The following MRC2 variants were observed in gnomAD, a reference collection of about 807,000 sequenced individuals.
MRC2 encodes C-type mannose receptor 2.
In MRC2, 84 loss-of-function variants were observed where a neutral mutation model predicts 206.2. The ratio of observed to expected loss-of-function variants is 0.41; its 90% CI spans 0.34 to 0.49. The LOEUF (loss-of-function observed/expected upper bound fraction) is 0.49, where lower values mean the gene tolerates loss of function less well. Ranked by LOEUF, MRC2 falls within the 20% of genes least tolerant of loss-of-function variation. The probability of loss-of-function intolerance (pLI) is 0.31; values close to 1 mark genes in which losing one functional copy is unlikely to be tolerated. For synonymous variants in MRC2, 798 were observed against 800.0 expected (o/e 1.00, Z 0.04); for missense variants, 1,676 against 2,001.5 (o/e 0.84, Z 3.10).
intron 20 of MRC2, among the ~76,000 whole-genome samples, chr17:62,686,461 C>T (rs2089033947): frequency 6.7e-6 from 1 of 149,312 alleles, no homozygotes; most frequent in African/African-American, 2.4e-5. Flanking sequence ...TCAACAACAA[C>T]AACAACAACA....
intron 1 of MRC2, among the ~76,000 whole-genome samples, chr17:62,633,840 C>CAAAAAAAAAAAAAAAA (rs571793821): frequency 2.9e-5 from 1 of 33,918 alleles, no homozygotes; most frequent in Non-Finnish European, 5.1e-5. Flanking sequence ...GACCCTGTCT[C>CAAAAAAAAAAAAAAAA]AAAAAAAAAA....
In MRC2 at chr17:62,692,356, G is replaced by A. The variant is rs770724250; in HGVS notation, c.4345G>A (p.Gly1449Ser). ...RQSIERGAFEGARYSRSSSSP... is the reference protein window; with the variant it reads ...RQSIERGAFESARYSRSSSSP... ...GAGCATCGAGCGCGGGGCCTTTGAGGGTGCCCGCTACAGCCGCAGCAGCTC... is the reference window on the plus strand; with the variant it reads ...GAGCATCGAGCGCGGGGCCTTTGAGAGTGCCCGCTACAGCCGCAGCAGCTC... The change falls in exon 30 of 30, where the codon GGT becomes AGT. Residue 1449 changes from glycine (G) to serine (S), a missense_variant. Physicochemically the swap from Gly to Ser is moderately conservative, Grantham distance 56. Coordinates refer to ENST00000303375, the MANE Select transcript of MRC2 (RefSeq NM_006039.5). This position sits in a 1 kb window ranked among gnomAD's most constrained non-coding sequence, Gnocchi z 4.2. 16 of 1,574,728 alleles carry A rather than the reference G, an allele frequency of 1.0e-5. No individual in the cohort carries two copies. The highest frequency in any genetic ancestry group is 1.4e-5 in the Non-Finnish European group (16 of 1,160,220).
rs558796087 is a variant in MRC2, at chr17:62,690,087, G to T, written c.3742+25G>T. On this transcript the variant is annotated intron_variant, in intron 25 of 29. Transcript: ENST00000303375. ...GGTGAGTGCCCACCTGCCAGGGCGG[G>T]GGCATGGGCAAGCTGTCGGTGGCCC... The T allele has an allele frequency of 1.8e-5, 29 of 1,583,888 alleles. No homozygotes were observed. The South Asian group carries it at 3.4e-4, about 18-fold the overall frequency.
chr17:62,674,522 A>G (rs1386702726), intron 9 of MRC2, among the ~76,000 whole-genome samples: 3 of 152,096 alleles, frequency 2.0e-5, no homozygotes, highest in African/African-American at 7.2e-5. Context: ...TGGCTGCCGA[A>G]GTGAAGTGTG....
chr17:62,661,676 A>G (rs2088683766), intron 1 of MRC2: 1 of 152,120 alleles, frequency 6.6e-6, no homozygotes, highest in Admixed American at 6.6e-5. Context: ...TTTGGTCTGT[A>G]ACTGACTATG....
intron 1 of MRC2, among the ~76,000 whole-genome samples, chr17:62,646,892 C>T (rs989083115): frequency 6.6e-6 from 1 of 152,202 alleles, no homozygotes; most frequent in Non-Finnish European, 1.5e-5. Context: ...CAACAGCTAT[C>T]TCATAAGTCA....
rs1425500620 is a variant in MRC2 at position 62,682,334 on chromosome 17, C to T, written c.2903C>T (p.Ala968Val). 1 of 1,607,042 alleles carries T rather than the reference C, an allele frequency of 6.2e-7. No individual in the cohort carries two copies. The highest frequency in any genetic ancestry group is 1.1e-5 in the South Asian group (1 of 89,658). ...ETQPPDLPTT[A>V]LGGCPSDWIQ... ...CAGCCCCCAGACCTGCCAACTACAG[C>T]CCTGGGGGGCTGCCCCTCTGACTGG... Residue 968 changes from alanine (A) to valine (V), a missense_variant, in exon 20 of 30, where the codon GCC becomes GTC. Transcript: ENST00000303375.
rs1178088940 is a variant in MRC2, at chr17:62,680,843, C to T, written c.2517C>T (p.Phe839=). 1 of 1,612,850 alleles carries T rather than the reference C, an allele frequency of 6.2e-7. No individual in the cohort carries two copies. The change falls in exon 17 of 30, where the codon TTC becomes TTT. Residue 839 remains phenylalanine (F), a synonymous_variant. Coordinates refer to ENST00000303375, the MANE Select transcript of MRC2 (RefSeq NM_006039.5). The surrounding 1 kb of genome is among the most constrained non-coding windows in gnomAD (Gnocchi z 4.8). ...GCTTCCAGGAGGCCGAGTACAAGTT[C>T]TTTGAGCACCACTCCACGTGGGCGC... ...WLRFQEAEYK[F]FEHHSTWAQA...
In MRC2 at chr17:62,693,301, G is replaced by A. The variant is rs1283192408; in HGVS notation, c.*850G>A. ...CAAGGGGAAGGGTTGCCAGAGTCCT[G>A]GGGGCCCCAGAGGAGCAGGAGTCTG... On this transcript the variant is annotated 3_prime_UTR_variant, in exon 30 of 30. Transcript: ENST00000303375. 6.6e-6 allele frequency: 1 copy of A among 152,654 alleles called. No individual in the cohort carries two copies. Among genetic ancestry groups the A allele is most frequent in the East Asian group, 1.9e-4 (1 of 5,168 alleles). 9.5% of individuals were successfully genotyped at this position (152,654 alleles called of 1,614,324 possible).
At chr17:62,690,600 C>CG in intron 26 of MRC2, 42 bp from the exon 27 acceptor site, 1 of 1,525,158 alleles carries the variant, frequency 6.6e-7, no homozygotes, top group Non-Finnish European at 8.8e-7. Flanking sequence ...CTGCCCCCCC[C>CG]GGAGACCCAT....
rs754444286 is a variant in MRC2, at chr17:62,668,389, T to A, written c.1117+856T>A. Among the ~76,000 whole-genome samples the A allele has an allele frequency of 4.4e-3, 585 of 132,932 alleles. 5 individuals carry two copies. The highest frequency in any genetic ancestry group is 5.0e-3 in the Non-Finnish European group (307 of 61,472). 87.2% of individuals were successfully genotyped at this position (132,932 alleles called of 152,430 possible). A position where few individuals can be genotyped will look rare whatever the true frequency, so the allele number is the denominator to read the frequency against. On this transcript the variant is annotated intron_variant, in intron 6 of 29. Transcript: ENST00000303375. ...AAATAAATAAATAAATAAATAAATT[T>A]AAAAAAAAAAAGAAAAAAGAAAGAA... is the stretch of plus-strand genomic sequence containing the variant.
Position 62,672,283 on chromosome 17 carries a change from C to A in MRC2, c.1461+131C>A. 1 of 1,040,730 alleles carries A rather than the reference C, an allele frequency of 9.6e-7. No homozygotes were observed. The allele number at this position is 1,040,730 out of a possible 1,614,324, so 64.5% of individuals were successfully genotyped here. A position where few individuals can be genotyped will look rare whatever the true frequency, so the allele number is the denominator to read the frequency against. The stretch of plus-strand genomic sequence containing the variant: ...CCTCTTACCTCTCAGCAGTCCCCCT[C>A]CTCCCCACCAATGCCTTCCCTTCCA... On this transcript the variant is annotated intron_variant, in intron 8 of 29. Coordinates refer to ENST00000303375, the MANE Select transcript of MRC2 (RefSeq NM_006039.5). The surrounding 1 kb of genome is among the most constrained non-coding windows in gnomAD (Gnocchi z 4.5).
intron 1 of MRC2, among the ~76,000 whole-genome samples, chr17:62,637,661 T>C (rs925070461): frequency 6.6e-6 from 1 of 152,214 alleles, no homozygotes; most frequent in East Asian, 1.9e-4. Context: ...CTGCTCAGGC[T>C]TTTTTTCCCT....
chr17:62,689,868 C>T (rs1598999437), intron 24 of MRC2, 26 bp from the exon 25 acceptor site: 1 of 1,571,218 alleles, frequency 6.4e-7, no homozygotes, highest in African/African-American at 1.3e-5. Context: ...TTCCCTTCCT[C>T]CCACCCCATG....
In MRC2 at chr17:62,645,516, TA is replaced by T. The variant is rs1568052083; in HGVS notation, c.118+17597del. Among the ~76,000 whole-genome samples, 127 of 70,366 alleles carry T rather than the reference TA, an allele frequency of 1.8e-3. 1 individual carries two copies. Among genetic ancestry groups the T allele is most frequent in the East Asian group, 3.5e-3 (11 of 3,134 alleles). 46.2% of individuals were successfully genotyped at this position (70,366 alleles called of 152,430 possible). ...TATATATTATATATATATATATATATATATATATATATTTTTTTTTTTTTTT... is the reference window on the plus strand; with the variant it reads ...TATATATTATATATATATATATATATTATATATATATTTTTTTTTTTTTTT... On this transcript the variant is annotated intron_variant, in intron 1 of 29. Transcript: ENST00000303375.
At chr17:62,643,173 C>A (rs1568050923) in intron 1 of MRC2, among the ~76,000 whole-genome samples, 3 of 151,786 alleles carry the variant, frequency 2.0e-5, no homozygotes. Context: ...ACTAAAAATA[C>A]AAAAATTAGC....
chr17:62,633,651 C>T (rs1307209159), intron 1 of MRC2, among the ~76,000 whole-genome samples: 1 of 141,768 alleles, frequency 7.1e-6, no homozygotes, highest in Non-Finnish European at 1.5e-5. Context: ...CCAACTTGGG[C>T]AACATGACGA....
chr17:62,639,526 T>C (rs1271914155), intron 1 of MRC2, among the ~76,000 whole-genome samples: 3 of 152,200 alleles, frequency 2.0e-5, no homozygotes, highest in Non-Finnish European at 2.9e-5. Context: ...TTTCGGACAA[T>C]ATGTAAGAAA....
At chr17:62,685,958 A>AAAGCAT (rs1326441756) in intron 20 of MRC2, among the ~76,000 whole-genome samples, 1 of 152,194 alleles carries the variant, frequency 6.6e-6, no homozygotes, top group Non-Finnish European at 1.5e-5. Context: ...GGATGTAGGT[A>AAAGCAT]AAGCATTTAT....
Sources: allele counts gnomAD v4.1 joint callset (sites outside exome capture counted in the v4.1 genomes callset), GRCh38; gene constraint gnomAD v4.1.1; non-coding constraint Gnocchi (gnomAD v3.1); transcripts MANE v1.5; gene names NCBI Gene and HGNC (gene_info 2026-07-23, HGNC 2026-07-21).